PLP1: variants seen among roughly 807,000 people sequenced by gnomAD.
PLP1 encodes myelin proteolipid protein.
A neutral mutation model predicts 18.5 loss-of-function variants in PLP1; 2 were observed. That is an observed-to-expected ratio of 0.11 (90% CI 0.04 to 0.34). PLP1 has a LOEUF of 0.34. Ranked by LOEUF, PLP1 falls within the 10% of genes least tolerant of loss-of-function variation. The pLI, the probability that PLP1 is intolerant of heterozygous loss-of-function variation, is 1.00. For synonymous variants in PLP1, 86 were observed against 83.2 expected (o/e 1.03, Z -0.19); for missense variants, 105 against 207.3 (o/e 0.51, Z 3.03).
At chrX:103,789,106 G>A (rs2147767732) in intron 5 of PLP1, 5 of 452,205 alleles carry the variant, frequency 1.1e-5, no homozygotes, top group South Asian at 9.4e-5. Context: ...TTGGAGTACT[G>A]TACTATTTCA....
At chrX:103,782,871 G>T (rs1012263281) in intron 1 of PLP1, among the ~76,000 whole-genome samples, 4 of 112,078 alleles carry the variant, frequency 3.6e-5, no homozygotes, top group African/African-American at 1.3e-4. Context: ...AGGCTTCTTT[G>T]TCCGGGGGAG....
chrX:103,785,897 T>C, intron 2 of PLP1, 129 bp downstream of exon 2: 1 of 745,167 alleles, frequency 1.3e-6, no homozygotes, highest in Non-Finnish European at 2.1e-6. Context: ...TCCCGAGTCT[T>C]CCCTCTGTGC....
At chrX:103,784,865 C>T (rs2074481626) in intron 1 of PLP1, among the ~76,000 whole-genome samples, 1 of 112,171 alleles carries the variant, frequency 8.9e-6, no homozygotes, top group Non-Finnish European at 1.9e-5. Context: ...TCCCGTATAA[C>T]ACCCAGCATA....
chrX:103,787,539 T>C, intron 3 of PLP1: 1 of 429,394 alleles, frequency 2.3e-6, no homozygotes, highest in Non-Finnish European at 4.1e-6. Flanking sequence ...AAACATCCTC[T>C]GAAGCCTCTC....
chrX:103,787,922 C>A lies in PLP1; in HGVS notation c.578C>A (p.Thr193Asn), dbSNP rs1364496996. 20 of 1,209,067 alleles carry A rather than the reference C, an allele frequency of 1.7e-5. No individual in the cohort carries two copies. The highest frequency in any genetic ancestry group is 2.2e-5 in the Admixed American group (1 of 45,800). Residue 193 changes from threonine to asparagine, a missense_variant, in exon 4 of 7, where the codon ACC becomes AAC. Transcript: ENST00000621218. ...TCQSIAFPSK[T>N]SASIGSLCAD... ...CAGTCTATTGCCTTCCCCAGCAAGACCTCTGCCAGTATAGGCAGTCTCTGT... is the reference window on the plus strand; with the variant it reads ...CAGTCTATTGCCTTCCCCAGCAAGAACTCTGCCAGTATAGGCAGTCTCTGT...
chrX:103,783,121 A>G (rs772900083), intron 1 of PLP1, among the ~76,000 whole-genome samples: 1 of 111,973 alleles, frequency 8.9e-6, no homozygotes, highest in Admixed American at 9.4e-5. Flanking sequence ...GTTGAGAAAG[A>G]GGAAGATCAA....
At chrX:103,777,942 G>C (rs748564949) in intron 1 of PLP1, among the ~76,000 whole-genome samples, 1 of 112,422 alleles carries the variant, frequency 8.9e-6, no homozygotes, top group African/African-American at 3.2e-5. Flanking sequence ...ATCAAATGTA[G>C]CATCCAGTAG....
intron 1 of PLP1, among the ~76,000 whole-genome samples, chrX:103,781,592 A>G (rs1159502134): frequency 1.8e-5 from 2 of 112,394 alleles, no homozygotes; most frequent in African/African-American, 6.5e-5. Context: ...AAAGAAAGGG[A>G]CTGGCCTTTT....
chrX:103,785,508 GC>G (rs1196787523), intron 1 of PLP1, 73 bp from the exon 2 acceptor site: 14 of 904,491 alleles, frequency 1.5e-5, no homozygotes, highest in Middle Eastern at 3.9e-4. Flanking sequence ...TGAGCACAGG[GC>G]CTGGCAGAGG....
intron 1 of PLP1, among the ~76,000 whole-genome samples, chrX:103,784,878 G>T (rs765324737): frequency 5.3e-5 from 6 of 112,162 alleles, no homozygotes; most frequent in Non-Finnish European, 1.1e-4. Context: ...CCAGCATAAT[G>T]CTGGGCATAT....
rs376305277 is a variant in PLP1, at chrX:103,788,008, G to A, written c.622+42G>A. 80 of 1,044,983 alleles carry A rather than the reference G, an allele frequency of 7.7e-5. 1 individual carries two copies. The highest frequency in any genetic ancestry group is 1.0e-4 in the Non-Finnish European group (78 of 744,876). The allele number at this position is 1,044,983 out of a possible 1,213,427, so 86.1% of individuals were successfully genotyped here. A position where few individuals can be genotyped will look rare whatever the true frequency, so the allele number is the denominator to read the frequency against. ...GTGCTTTGGCTCTCCTACCCACTAT[G>A]GAAGCACTATATATTTGGTTATTTT... On this transcript the variant is annotated intron_variant, in intron 4 of 6. Coordinates refer to ENST00000621218, the MANE Select transcript of PLP1 (RefSeq NM_000533.5).
chrX:103,788,426 G>T lies in PLP1; in HGVS notation c.623-11G>T. On this transcript the variant is annotated splice_polypyrimidine_tract_variant and intron_variant, in intron 4 of 6. Transcript: ENST00000621218. ...AAAGCTTACCCTGCTTGCTTTTTGT[G>T]TCTTACTTAGGTGTTCTCCCATGGA... The T allele has an allele frequency of 8.4e-7, 1 of 1,195,673 alleles. No homozygotes were observed. Among genetic ancestry groups the T allele is most frequent in the Non-Finnish European group, 1.1e-6 (1 of 880,869 alleles).
chrX:103,785,837 C>CTTCA (rs1440606102), intron 2 of PLP1, 69 bp downstream of exon 2: 26 of 957,195 alleles, frequency 2.7e-5, no homozygotes, highest in Non-Finnish European at 3.9e-5. Flanking sequence ...ATAGAGAACT[C>CTTCA]TTCAGTACCT....
chrX:103,780,520 G>C (rs958958836), intron 1 of PLP1, among the ~76,000 whole-genome samples: 5 of 109,705 alleles, frequency 4.6e-5, no homozygotes, highest in African/African-American at 1.7e-4. Flanking sequence ...TCCAGATGCT[G>C]TTGCCGTGGT....
rs753262450 is a variant in PLP1 at position 103,785,567 on chromosome X, C to CT, written c.5-13dup. The stretch of plus-strand genomic sequence containing the variant: ...TACTGGATGTGCCTGACTGTTTCCC[C>CT]TTCTTCTTCCCCAGGCTTGTTAGAG... On this transcript the variant is annotated splice_polypyrimidine_tract_variant and intron_variant, in intron 1 of 6. Transcript: ENST00000621218. 1.7e-6 allele frequency: 2 copies of CT among 1,202,114 alleles called. No homozygotes were observed. The highest frequency in any genetic ancestry group is 3.5e-5 in the African/African-American group (2 of 56,833).
intron 1 of PLP1, among the ~76,000 whole-genome samples, chrX:103,780,435 C>CTGTGTGTGTGTGTGTGTGTG (rs759765185): frequency 1.5e-5 from 1 of 68,335 alleles, no homozygotes; most frequent in Non-Finnish European, 2.8e-5. Flanking sequence ...CATTCTGTCT[C>CTGTGTGTGTGTGTGTGTGTG]TCTCTGTGTG....
intron 3 of PLP1, chrX:103,787,565 C>T (rs2074507411): frequency 2.3e-6 from 1 of 440,880 alleles, no homozygotes; most frequent in Non-Finnish European, 4.0e-6. Flanking sequence ...CAGGGATCCT[C>T]CTCACTCTTC....
rs982694851 is a variant in PLP1, at chrX:103,786,519, T to C, written c.246T>C (p.Tyr82=). 8.6e-5 allele frequency: 104 copies of C among 1,207,941 alleles called. No homozygotes were observed. The highest frequency in any genetic ancestry group is 1.0e-4 in the Non-Finnish European group (93 of 893,664). ...IYGTASFFFL[Y]GALLLAEGFY... ...GAACTGCCTCTTTCTTCTTCCTTTATGGGGCCCTCCTGCTGGCTGAGGGCT... is the reference window on the plus strand; with the variant it reads ...GAACTGCCTCTTTCTTCTTCCTTTACGGGGCCCTCCTGCTGGCTGAGGGCT... Residue 82 remains tyrosine (Y), a synonymous_variant, in exon 3 of 7, where the codon TAT becomes TAC. Coordinates refer to ENST00000621218, the MANE Select transcript of PLP1 (RefSeq NM_000533.5).
rs1239258097 is a variant in PLP1, at chrX:103,786,632, G to A, written c.359G>A (p.Gly120Asp). 2 of 1,211,419 alleles carry A rather than the reference G, an allele frequency of 1.7e-6. No homozygotes were observed. Among genetic ancestry groups the A allele is most frequent in the South Asian group, 1.8e-5 (1 of 56,964 alleles). ...GKGLSATVTG[G>D]QKGRGSRGQH... The stretch of plus-strand genomic sequence containing the variant: ...GGCCTGAGCGCAACGGTAACAGGGG[G>A]CCAGAAGGGGAGGGGTTCCAGAGGC... The change falls in exon 3 of 7, where the codon GGC becomes GAC. Residue 120 changes from glycine (G) to aspartate (D), a missense_variant. Physicochemically the swap from Gly to Asp is moderately conservative, Grantham distance 94. Transcript: ENST00000621218.
Sources: gnomAD v4.1 joint callset for allele counts (sites outside exome capture counted in the v4.1 genomes callset) on GRCh38, gnomAD v4.1.1 for gene constraint, MANE v1.5 for transcripts, NCBI Gene and HGNC (gene_info 2026-07-23, HGNC 2026-07-21) for gene names.